CTBP1: variants seen among roughly 807,000 people sequenced by gnomAD.
The protein encoded by CTBP1 is C-terminal binding protein 1.
CTBP1 carries 11 observed loss-of-function variants against 42.1 expected under a neutral mutation model. The ratio of observed to expected loss-of-function variants is 0.26; its 90% CI spans 0.16 to 0.43. The LOEUF (loss-of-function observed/expected upper bound fraction) is 0.43. CTBP1 is among the 20% of genes least tolerant of loss of function. The pLI is 1.00. For synonymous variants in CTBP1, 324 were observed against 277.1 expected, an observed-to-expected ratio of 1.17 and a Z score of -1.68; for missense variants, 399 against 624.3, an observed-to-expected ratio of 0.64 and a Z score of 3.85.
intron 8 of CTBP1, 144 bp from the exon 9 acceptor site, chr4:1,213,174 CCT>C (rs1438941800): frequency 2.5e-6 from 2 of 796,484 alleles, no homozygotes; most frequent in Non-Finnish European, 4.1e-6. Context: ...ACGGCAGGGT[CCT>C]GTCTCTCTGG....
At chr4:1,215,939 C>T (rs1053424484) in intron 6 of CTBP1, 52 bp downstream of exon 6, 2 of 1,544,236 alleles carry the variant, frequency 1.3e-6, no homozygotes, top group African/African-American at 1.4e-5. Context: ...CTGACACCCC[C>T]ACCTGTACCT....
At chr4:1,228,155 A>G in intron 4 of CTBP1, 44 bp downstream of exon 4, 1 of 1,607,158 alleles carries the variant, frequency 6.2e-7, no homozygotes, top group Non-Finnish European at 8.5e-7. Context: ...GACGGGACGG[A>G]GCTTGCATGA....
intron 4 of CTBP1, among the ~76,000 whole-genome samples, chr4:1,226,325 C>T (rs1050774683): frequency 1.3e-5 from 2 of 152,092 alleles, no homozygotes; most frequent in East Asian, 1.9e-4. Context: ...TTCCTGTGTC[C>T]GACTGGCCAT....
At chr4:1,243,657 C>T in intron 1 of CTBP1, 2 of 985,464 alleles carry the variant, frequency 2.0e-6, no homozygotes, top group Non-Finnish European at 2.4e-6. Flanking sequence ...AGGGCAATGC[C>T]AGAGGCCCTG....
chr4:1,245,198 A>G (rs995851796), intron 1 of CTBP1: 4 of 985,078 alleles, frequency 4.1e-6, no homozygotes, highest in African/African-American at 3.5e-5. Flanking sequence ...GAGCCACCGC[A>G]CTCCACGGGG....
At chr4:1,248,243 G>A (rs928913661) in intron 1 of CTBP1, among the ~76,000 whole-genome samples, 10 of 151,892 alleles carry the variant, frequency 6.6e-5, no homozygotes, top group Admixed American at 1.3e-4. Flanking sequence ...TGGGGGCGCT[G>A]GGCCGGTCCG....
intron 1 of CTBP1, chr4:1,243,391 C>A: frequency 1.0e-6 from 1 of 985,382 alleles, no homozygotes. Context: ...GCTAGCCCTG[C>A]CAGACCTGAG....
chr4:1,228,478 T>C (rs1730619115), intron 3 of CTBP1, 135 bp from the exon 4 acceptor site: 2 of 1,114,850 alleles, frequency 1.8e-6, no homozygotes, highest in South Asian at 3.1e-5. Context: ...GCCCGGACAC[T>C]GGGAGAGGCT....
rs2108693841 is a variant in CTBP1, at chr4:1,212,016, C to T, written c.*224G>A. 1 of 392,736 alleles carries T rather than the reference C, an allele frequency of 2.5e-6. No individual in the cohort carries two copies. 24.3% of individuals were successfully genotyped at this position (392,736 alleles called of 1,614,324 possible). The stretch of plus-strand genomic sequence containing the variant: ...ACGTTCATGGGAGAATAACTACTGA[C>T]TTCTTCTGCTTAACGAGGAACGCGA... On this transcript the variant is annotated 3_prime_UTR_variant, in exon 10 of 10. Transcript: ENST00000382952.
At chr4:1,248,542 A>C in intron 1 of CTBP1, 1 of 339,068 alleles carries the variant, frequency 2.9e-6, no homozygotes, top group Non-Finnish European at 4.2e-6. Flanking sequence ...ATGACCGGGG[A>C]CGGGGTAGCG....
chr4:1,242,942 C>T, intron 1 of CTBP1: 1 of 984,766 alleles, frequency 1.0e-6, no homozygotes, highest in Non-Finnish European at 1.2e-6. Context: ...CCAGCCGATA[C>T]TCATCAATGC....
chr4:1,212,293 C>T lies in CTBP1; in HGVS notation c.1237G>A (p.Gly413Ser). ...TCCGCCTCGGGCTTGACGGTTTGGC[C>T]AGGAGAAGGGGCGTGGGGCGGGTGG... ...VAHPPHAPSP[G>S]QTVKPEADRD... Residue 413 changes from glycine to serine, a missense_variant, in exon 10 of 10, where the codon GGC (glycine) becomes AGC (serine). Coordinates refer to ENST00000382952, the MANE Select transcript of CTBP1 (RefSeq NM_001012614.2). 6.6e-7 allele frequency: 1 copy of T among 1,519,766 alleles called. No individual in the cohort carries two copies. The highest frequency in any genetic ancestry group is 8.8e-7 in the Non-Finnish European group (1 of 1,133,430). The allele number at this position is 1,519,766 out of a possible 1,614,324, so 94.1% of individuals were successfully genotyped here.
At chr4:1,218,396 T>C (rs896148078) in intron 5 of CTBP1, 3 of 150,618 alleles carry the variant, frequency 2.0e-5, no homozygotes, top group African/African-American at 7.3e-5. Flanking sequence ...AGAGCGAGAC[T>C]ACCTTCCACA....
chr4:1,217,898 G>A (rs1729312442), intron 5 of CTBP1: 1 of 152,240 alleles, frequency 6.6e-6, no homozygotes, highest in African/African-American at 2.4e-5. Context: ...ATGACAACAA[G>A]TGTGGATGTA....
upstream of CTBP1, chr4:1,249,488 C>CTG (rs1263352128): frequency 9.1e-5 from 13 of 142,236 alleles, no homozygotes; most frequent in South Asian, 1.1e-3. Flanking sequence ...TGGCGCTCCT[C>CTG]CGCGCCGCAG....
chr4:1,223,430 G>C (rs961461733), intron 5 of CTBP1: 4 of 454,646 alleles, frequency 8.8e-6, no homozygotes, highest in African/African-American at 8.1e-5. Context: ...ACCTAGGTGT[G>C]GCCGCCTCAC....
At chr4:1,241,266 C>A in intron 2 of CTBP1, 59 bp downstream of exon 2, 2 of 784,950 alleles carry the variant, frequency 2.5e-6, no homozygotes, top group Non-Finnish European at 4.7e-6. Flanking sequence ...CTCCTCCACA[C>A]GGTCGCAAAG....
At position 1,240,276 on chromosome 4, in the gene CTBP1, C is replaced by T. The variant is rs1301987996; in HGVS notation, c.7+1049G>A. On this transcript the variant is annotated intron_variant, in intron 2 of 9. Coordinates refer to ENST00000382952, the MANE Select transcript of CTBP1 (RefSeq NM_001012614.2). ...GCTGGGTGAGTGGGACCGGGTCCCT[C>T]GTCGGAACCGCCTGGGGGGACTCCC... Among the ~76,000 whole-genome samples, 6 of 137,748 alleles carry T rather than the reference C, an allele frequency of 4.4e-5. 1 individual carries two copies. The highest frequency in any genetic ancestry group is 5.1e-4 in the South Asian group (2 of 3,942). 90.4% of individuals were successfully genotyped at this position (137,748 alleles called of 152,430 possible). A position where few individuals can be genotyped will look rare whatever the true frequency, so the allele number is the denominator to read the frequency against.
At chr4:1,221,939 G>A (rs1002563754) in intron 5 of CTBP1, 2 of 348,848 alleles carry the variant, frequency 5.7e-6, no homozygotes, top group South Asian at 2.1e-5. Flanking sequence ...GAGCCTCGTA[G>A]AGCAGAGGAA....
Sources: allele counts gnomAD v4.1 joint callset (sites outside exome capture counted in the v4.1 genomes callset), GRCh38; gene constraint gnomAD v4.1.1; transcripts MANE v1.5; gene names NCBI Gene and HGNC (gene_info 2026-07-23, HGNC 2026-07-21).